KBTBD11: variants seen among roughly 807,000 people sequenced by gnomAD.
KBTBD11 encodes kelch repeat and BTB domain-containing protein 11.
For synonymous variants in KBTBD11, 747 were observed against 499.0 expected, an observed-to-expected ratio of 1.50 and a Z score of -6.63; for missense variants, 1,390 against 1,001.8, an observed-to-expected ratio of 1.39 and a Z score of -5.23.
chr8:1,987,426 A>G (rs372602882), intron 1 of KBTBD11, among the ~76,000 whole-genome samples: 27 of 152,272 alleles, frequency 1.8e-4, no homozygotes, highest in Admixed American at 3.3e-4. Flanking sequence ...CAATCTTTCT[A>G]AAACCCAAGA....
In KBTBD11 at chr8:2,001,417, G is replaced by A. The variant is rs1462684925; in HGVS notation, c.225G>A (p.Glu75=). The change falls in exon 2 of 2, where the codon GAG becomes GAA. Residue 75 remains glutamate (E), a synonymous_variant. Coordinates refer to ENST00000320248, the MANE Select transcript of KBTBD11 (RefSeq NM_014867.3). ...CCAGCGGTGGCCCGCGGGTGGTGGA[G>A]CGGCAGTGGGAGGCCGGCAGCGCGG... is the stretch of plus-strand genomic sequence containing the variant. The part of the protein sequence containing the change: ...PPSSGGPRVV[E]RQWEAGSAGA... 6.5e-6 allele frequency: 9 copies of A among 1,385,410 alleles called. No individual in the cohort carries two copies. The highest frequency in any genetic ancestry group is 8.4e-6 in the Non-Finnish European group (9 of 1,075,740). The allele number at this position is 1,385,410 out of a possible 1,614,324, so 85.8% of individuals were successfully genotyped here. A position where few individuals can be genotyped will look rare whatever the true frequency, so the allele number is the denominator to read the frequency against.
intron 1 of KBTBD11, among the ~76,000 whole-genome samples, chr8:1,989,308 A>G (rs907875299): frequency 2.0e-5 from 3 of 152,248 alleles, no homozygotes; most frequent in African/African-American, 7.2e-5. Flanking sequence ...TTGAATGAGT[A>G]CAATGATTTA....
chr8:2,001,447 C>G lies in KBTBD11; in HGVS notation c.255C>G (p.Ala85=), dbSNP rs1817349550. The change falls in exon 2 of 2, where the codon GCC becomes GCG. Residue 85 remains alanine, a synonymous_variant. Transcript: ENST00000320248. ...ERQWEAGSAG[A]ASPEELASPE... is the part of the protein sequence containing the mutation. Reference sequence around the variant, plus strand: ...AGTGGGAGGCCGGCAGCGCGGGCGCCGCGTCCCCGGAGGAGCTCGCGTCCC... The same window carrying G: ...AGTGGGAGGCCGGCAGCGCGGGCGCGGCGTCCCCGGAGGAGCTCGCGTCCC... 1 of 1,356,286 alleles carries G rather than the reference C, an allele frequency of 7.4e-7. No homozygotes were observed. Among genetic ancestry groups the G allele is most frequent in the South Asian group, 1.8e-5 (1 of 55,230 alleles). 84.0% of individuals were successfully genotyped at this position (1,356,286 alleles called of 1,614,324 possible). A position where few individuals can be genotyped will look rare whatever the true frequency, so the allele number is the denominator to read the frequency against.
intron 1 of KBTBD11, chr8:1,974,849 A>G: frequency 3.4e-6 from 1 of 291,032 alleles, no homozygotes; most frequent in East Asian, 1.7e-4. Flanking sequence ...AAGAAAAGGA[A>G]CAAATCAGTG....
At chr8:1,976,168 C>A (rs1244831076) in intron 1 of KBTBD11, 1 of 152,132 alleles carries the variant, frequency 6.6e-6, no homozygotes, top group Non-Finnish European at 1.5e-5. Flanking sequence ...CGGAGAACAG[C>A]GGGTTTCCTG....
rs1171255035 is a variant in KBTBD11, at chr8:2,002,869, C to A, written c.1677C>A (p.Asp559Glu). Reference sequence around the variant, plus strand: ...AGCCCTTCCGCTGCGCCGCCCTGGACGGCGCCATCTACTGCGTGAGCCGCG... The same window carrying A: ...AGCCCTTCCGCTGCGCCGCCCTGGAAGGCGCCATCTACTGCGTGAGCCGCG... ...GLQPFRCAAL[D>E]GAIYCVSRAG... Residue 559 changes from aspartate to glutamate, a missense_variant, in exon 2 of 2, where the codon GAC becomes GAA. By Grantham distance (45) the Asp-to-Glu change is conservative. Coordinates refer to ENST00000320248, the MANE Select transcript of KBTBD11 (RefSeq NM_014867.3). The surrounding 1 kb of genome is among the most constrained non-coding windows in gnomAD (Gnocchi z 4.1). 2 of 1,366,470 alleles carry A rather than the reference C, an allele frequency of 1.5e-6. No homozygotes were observed. Among genetic ancestry groups the A allele is most frequent in the Non-Finnish European group, 1.9e-6 (2 of 1,068,110 alleles). 84.6% of individuals were successfully genotyped at this position (1,366,470 alleles called of 1,614,324 possible).
chr8:1,984,592 T>C (rs1816651631), intron 1 of KBTBD11, among the ~76,000 whole-genome samples: 1 of 152,052 alleles, frequency 6.6e-6, no homozygotes, highest in South Asian at 2.1e-4. Flanking sequence ...TGGCCCCGTC[T>C]CTAAAAAAAT....
chr8:2,003,352 G>A lies in KBTBD11; in HGVS notation c.*288G>A, dbSNP rs1817471202. 3.0e-6 allele frequency: 1 copy of A among 333,030 alleles called. No individual in the cohort carries two copies. Among genetic ancestry groups the A allele is most frequent in the Non-Finnish European group, 5.4e-6 (1 of 184,954 alleles). The allele number at this position is 333,030 out of a possible 1,614,324, so 20.6% of individuals were successfully genotyped here. On this transcript the variant is annotated 3_prime_UTR_variant, in exon 2 of 2. Transcript: ENST00000320248. ...TGGGATCCAAAGGGTCAGCCTCAGG[G>A]TACAGTGGGGGTTCCTGAGGCAGCC...
intron 1 of KBTBD11, among the ~76,000 whole-genome samples, chr8:1,999,228 G>C (rs1434789992): frequency 2.6e-5 from 4 of 152,160 alleles, no homozygotes; most frequent in Non-Finnish European, 2.9e-5. Context: ...GAGAATACTG[G>C]GAAAGCCTTT....
chr8:2,001,096 C>T lies in KBTBD11; in HGVS notation c.-97C>T. ...AAATCTGATCGCGTGCCAGGAAAAG[C>T]TGTGAGGCTGGAAACCCCGGAGTAA... On this transcript the variant is annotated 5_prime_UTR_variant, in exon 2 of 2. Coordinates refer to ENST00000320248, the MANE Select transcript of KBTBD11 (RefSeq NM_014867.3). 7.9e-7 allele frequency: 1 copy of T among 1,258,518 alleles called. No homozygotes were observed. The highest frequency in any genetic ancestry group is 1.0e-6 in the Non-Finnish European group (1 of 1,000,834). 78.0% of individuals were successfully genotyped at this position (1,258,518 alleles called of 1,614,324 possible).
At position 2,002,281 on chromosome 8, in the gene KBTBD11, G is replaced by C; in HGVS notation, c.1089G>C (p.Val363=). The C allele has an allele frequency of 7.5e-7, 1 of 1,325,832 alleles. No homozygotes were observed. The highest frequency in any genetic ancestry group is 9.6e-7 in the Non-Finnish European group (1 of 1,046,676). 82.1% of individuals were successfully genotyped at this position (1,325,832 alleles called of 1,614,324 possible). The part of the protein sequence containing the change: ...GLCVLYNYLF[V]AGGVAPAGPD... Reference sequence around the variant, plus strand: ...GCGTCCTCTACAACTACCTCTTCGTGGCGGGCGGCGTGGCGCCCGCGGGCC... The same window carrying C: ...GCGTCCTCTACAACTACCTCTTCGTCGCGGGCGGCGTGGCGCCCGCGGGCC... Residue 363 remains valine (V), a synonymous_variant, in exon 2 of 2, where the codon GTG becomes GTC. Coordinates refer to ENST00000320248, the MANE Select transcript of KBTBD11 (RefSeq NM_014867.3). The surrounding 1 kb of genome is among the most constrained non-coding windows in gnomAD (Gnocchi z 4.1).
chr8:2,003,423 T>G lies in KBTBD11; in HGVS notation c.*359T>G. ...CCCGAACCCCGCAGAGCACCGAGGC[T>G]GTGCGCAGGAGCCTGGGACCCTCAA... On this transcript the variant is annotated 3_prime_UTR_variant, in exon 2 of 2. Transcript: ENST00000320248. 1 of 212,266 alleles carries G rather than the reference T, an allele frequency of 4.7e-6. No individual in the cohort carries two copies. 13.1% of individuals were successfully genotyped at this position (212,266 alleles called of 1,614,324 possible).
In KBTBD11 at chr8:2,002,751, G is replaced by A. The variant is rs773179376; in HGVS notation, c.1559G>A (p.Ser520Asn). The A allele has an allele frequency of 5.2e-5, 78 of 1,489,744 alleles. No homozygotes were observed. Among genetic ancestry groups the A allele is most frequent in the Non-Finnish European group, 6.6e-5 (74 of 1,126,980 alleles). 92.3% of individuals were successfully genotyped at this position (1,489,744 alleles called of 1,614,324 possible). A position where few individuals can be genotyped will look rare whatever the true frequency, so the allele number is the denominator to read the frequency against. Reference sequence around the variant, plus strand: ...GGCGAGGCGCAGGCGGCGGGGCCGAGCGGGGTCAGCGTGTCCCGATACCAC... The same window carrying A: ...GGCGAGGCGCAGGCGGCGGGGCCGAACGGGGTCAGCGTGTCCCGATACCAC... ...SRGEAQAAGP[S>N]GVSVSRYHCL... is the part of the protein sequence containing the mutation. The change falls in exon 2 of 2, where the codon AGC (serine) becomes AAC (asparagine). Residue 520 changes from serine to asparagine, a missense_variant. Coordinates refer to ENST00000320248, the MANE Select transcript of KBTBD11 (RefSeq NM_014867.3). This position sits in a 1 kb window ranked among gnomAD's most constrained non-coding sequence, Gnocchi z 4.1.
At position 1,982,578 on chromosome 8, in the gene KBTBD11, T is replaced by C. The variant is rs73184737; in HGVS notation, c.-909+8643T>C. Among the ~76,000 whole-genome samples the C allele has an allele frequency of 2.0e-4, 31 of 152,186 alleles. No individual in the cohort carries two copies. In the East Asian group the frequency reaches 4.3e-3, roughly 21 times the overall value. ...GATGGGAACAGATACTCCACGCAAA[T>C]TGAAAGCATTAGAGAGCAGAGGGAG... On this transcript the variant is annotated intron_variant, in intron 1 of 1. Transcript: ENST00000320248.
At position 2,001,604 on chromosome 8, in the gene KBTBD11, G is replaced by C; in HGVS notation, c.412G>C (p.Gly138Arg). Reference sequence around the variant, plus strand: ...ACCCCCGGGGTTCGGGGCGGTGTACGGGGAGCCGGACCTGGTGCTGGAGGT... The same window carrying C: ...ACCCCCGGGGTTCGGGGCGGTGTACCGGGAGCCGGACCTGGTGCTGGAGGT... ...PVPPGFGAVY[G>R]EPDLVLEVSG... The change falls in exon 2 of 2, where the codon GGG (glycine) becomes CGG (arginine). Residue 138 changes from glycine (G) to arginine (R), a missense_variant. Physicochemically the swap from Gly to Arg is moderately radical, Grantham distance 125. Coordinates refer to ENST00000320248, the MANE Select transcript of KBTBD11 (RefSeq NM_014867.3). 5 of 1,473,966 alleles carry C rather than the reference G, an allele frequency of 3.4e-6. No individual in the cohort carries two copies. Among genetic ancestry groups the C allele is most frequent in the Non-Finnish European group, 4.5e-6 (5 of 1,118,018 alleles). The allele number at this position is 1,473,966 out of a possible 1,614,324, so 91.3% of individuals were successfully genotyped here. A position where few individuals can be genotyped will look rare whatever the true frequency, so the allele number is the denominator to read the frequency against.
In KBTBD11 at chr8:2,001,133, G is replaced by C; in HGVS notation, c.-60G>C. The C allele has an allele frequency of 7.8e-7, 1 of 1,285,136 alleles. No individual in the cohort carries two copies. Among genetic ancestry groups the C allele is most frequent in the Non-Finnish European group, 9.8e-7 (1 of 1,016,890 alleles). The allele number at this position is 1,285,136 out of a possible 1,614,324, so 79.6% of individuals were successfully genotyped here. A position where few individuals can be genotyped will look rare whatever the true frequency, so the allele number is the denominator to read the frequency against. Reference sequence around the variant, plus strand: ...AAACCCCGGAGTAAGGCTCGACCTTGGCCAGACCTGCAGGCTGCGGAACCG... The same window carrying C: ...AAACCCCGGAGTAAGGCTCGACCTTCGCCAGACCTGCAGGCTGCGGAACCG... On this transcript the variant is annotated 5_prime_UTR_variant, in exon 2 of 2. Transcript: ENST00000320248.
intron 1 of KBTBD11, chr8:1,976,407 G>C (rs781285441): frequency 1.3e-5 from 2 of 152,126 alleles, no homozygotes; most frequent in African/African-American, 4.8e-5. Flanking sequence ...AAAGCATCTA[G>C]TTTACTTTTT....
chr8:2,004,207 T>C lies in KBTBD11; in HGVS notation c.*1143T>C, dbSNP rs1026326675. On this transcript the variant is annotated 3_prime_UTR_variant, in exon 2 of 2. Coordinates refer to ENST00000320248, the MANE Select transcript of KBTBD11 (RefSeq NM_014867.3). ...ACTGCATGTATTTAATTGTATTGAA[T>C]TGAGTTCCAAAATACCCTAATAGAA... 1 of 167,034 alleles carries C rather than the reference T, an allele frequency of 6.0e-6. No homozygotes were observed. Among genetic ancestry groups the C allele is most frequent in the Admixed American group, 6.5e-5 (1 of 15,296 alleles). 10.3% of individuals were successfully genotyped at this position (167,034 alleles called of 1,614,324 possible). A position where few individuals can be genotyped will look rare whatever the true frequency, so the allele number is the denominator to read the frequency against.
chr8:2,002,170 C>A lies in KBTBD11; in HGVS notation c.978C>A (p.Ala326=), dbSNP rs1310125290. 7 of 1,224,892 alleles carry A rather than the reference C, an allele frequency of 5.7e-6. No homozygotes were observed. In the East Asian group the frequency reaches 1.5e-4, roughly 25 times the overall value. 75.9% of individuals were successfully genotyped at this position (1,224,892 alleles called of 1,614,324 possible). ...ACGCGGACGCGCGCGGGGACGCGGC[C>A]GTCTACTGCTTCCACGCGGCGGCCG... The part of the protein sequence containing the change: ...SGDADARGDA[A]VYCFHAAAGE... The change falls in exon 2 of 2, where the codon GCC becomes GCA. Residue 326 remains alanine, a synonymous_variant. Coordinates refer to ENST00000320248, the MANE Select transcript of KBTBD11 (RefSeq NM_014867.3). The surrounding 1 kb of genome is among the most constrained non-coding windows in gnomAD (Gnocchi z 4.1).
Sources: allele counts gnomAD v4.1 joint callset (sites outside exome capture counted in the v4.1 genomes callset), GRCh38; gene constraint gnomAD v4.1.1; non-coding constraint Gnocchi (gnomAD v3.1); transcripts MANE v1.5; gene names NCBI Gene and HGNC (gene_info 2026-07-23, HGNC 2026-07-21).